POLD3: variants seen among roughly 807,000 people sequenced by gnomAD.
POLD3 encodes the protein DNA polymerase delta subunit 3.
A neutral mutation model predicts 58.2 loss-of-function variants in POLD3; 19 were observed. The observed-to-expected ratio is 0.33, with a 90% confidence interval of 0.23 to 0.48. POLD3 has a LOEUF of 0.48. Ranked by LOEUF, POLD3 falls within the 20% of genes least tolerant of loss-of-function variation. The pLI, the probability that POLD3 is intolerant of heterozygous loss-of-function variation, is 0.99. For synonymous variants in POLD3, 172 were observed against 193.5 expected, an observed-to-expected ratio of 0.89 and a Z score of 0.92; for missense variants, 504 against 545.5, an observed-to-expected ratio of 0.92 and a Z score of 0.76.
Position 74,642,493 on chromosome 11 carries a change from A to C in POLD3, c.*1727A>C. 1.0e-6 allele frequency: 1 copy of C among 985,184 alleles called. No individual in the cohort carries two copies. Among genetic ancestry groups the C allele is most frequent in the Non-Finnish European group, 1.2e-6 (1 of 829,730 alleles). 61.0% of individuals were successfully genotyped at this position (985,184 alleles called of 1,614,324 possible). On this transcript the variant is annotated 3_prime_UTR_variant, in exon 12 of 12. Transcript: ENST00000263681. ...CAACAATCCAATCTTTTTTCTAAAAATTATGCTGGGGTCTCGACTAAAACT... is the reference window on the plus strand; with the variant it reads ...CAACAATCCAATCTTTTTTCTAAAACTTATGCTGGGGTCTCGACTAAAACT...
At chr11:74,617,012 C>G (rs2032100164) in intron 5 of POLD3, among the ~76,000 whole-genome samples, 1 of 151,894 alleles carries the variant, frequency 6.6e-6, no homozygotes, top group Non-Finnish European at 1.5e-5. Context: ...GAGCTGGGTG[C>G]CTGAAATAAA....
At chr11:74,639,189 A>G (rs1005915883) in intron 11 of POLD3, among the ~76,000 whole-genome samples, 1 of 152,228 alleles carries the variant, frequency 6.6e-6, no homozygotes. Context: ...CCCACCCCAG[A>G]TCTGCTGAGT....
intron 5 of POLD3, among the ~76,000 whole-genome samples, chr11:74,613,427 C>T (rs2031979066): frequency 2.6e-5 from 1 of 39,046 alleles, no homozygotes; most frequent in Admixed American, 2.3e-4. Flanking sequence ...TAGCCAGGAT[C>T]AGGTTTTTTT....
In POLD3 at chr11:74,641,194, G is replaced by T. The variant is rs927142284; in HGVS notation, c.*428G>T. On this transcript the variant is annotated 3_prime_UTR_variant, in exon 12 of 12. Transcript: ENST00000263681. ...TGGGTGTTTCTTATCCTTACATTCT[G>T]CTGGATACGTTTACCCCTCTTGTCT... The T allele has an allele frequency of 4.1e-6, 4 of 985,444 alleles. No homozygotes were observed. The highest frequency in any genetic ancestry group is 4.8e-6 in the Non-Finnish European group (4 of 829,946). 61.0% of individuals were successfully genotyped at this position (985,444 alleles called of 1,614,324 possible).
intron 7 of POLD3, among the ~76,000 whole-genome samples, chr11:74,621,287 GATTGTGAACCCT>G (rs1236733141): frequency 6.6e-6 from 1 of 152,090 alleles, no homozygotes; most frequent in East Asian, 1.9e-4. Flanking sequence ...ATTCTTATAG[GATTGTGAACCCT>G]ATTGTGAACA....
chr11:74,639,091 G>A (rs1381324259), intron 11 of POLD3, among the ~76,000 whole-genome samples: 2 of 152,172 alleles, frequency 1.3e-5, no homozygotes, highest in African/African-American at 2.4e-5. Context: ...AAACAGGGAA[G>A]GAGAGAACAT....
chr11:74,649,318 T>C (rs976556041), intron 4 of POLD3, among the ~76,000 whole-genome samples: 5 of 152,138 alleles, frequency 3.3e-5, no homozygotes, highest in African/African-American at 1.2e-4. Flanking sequence ...TCAGCCCAAT[T>C]TGATGAATTA....
chr11:74,592,902 C>T (rs2031084926), intron 1 of POLD3, 184 bp downstream of exon 1: 1 of 1,431,752 alleles, frequency 7.0e-7, no homozygotes, highest in Middle Eastern at 2.5e-4. Flanking sequence ...GGAAGGTCCT[C>T]CAGCACACAC....
At chr11:74,636,933 A>T (rs910327970) in intron 11 of POLD3, among the ~76,000 whole-genome samples, 2 of 152,178 alleles carry the variant, frequency 1.3e-5, no homozygotes, top group African/African-American at 4.8e-5. Flanking sequence ...AGCTTCTTCT[A>T]CCCTTTCCAT....
chr11:74,645,944 T>TG (rs1321576517), downstream of POLD3, among the ~76,000 whole-genome samples: 47 of 151,356 alleles, frequency 3.1e-4, no homozygotes, highest in South Asian at 2.1e-3. Context: ...ATTGATGTTT[T>TG]TTTTTTTTTT....
chr11:74,610,884 C>T (rs1211699149), intron 3 of POLD3, among the ~76,000 whole-genome samples: 3 of 152,128 alleles, frequency 2.0e-5, no homozygotes, highest in African/African-American at 7.2e-5. Flanking sequence ...AAGTGATTGT[C>T]CTACCTCACC....
chr11:74,612,871 C>T lies in POLD3; in HGVS notation c.260-7C>T. On this transcript the variant is annotated splice_region_variant and splice_polypyrimidine_tract_variant and intron_variant, in intron 4 of 11. Transcript: ENST00000263681. Reference sequence around the variant, plus strand: ...ATTAACTGACTGCTTTTCCTGTTGACTTGTAGCAGTGAAGTCCAAGCTAGC... The same window carrying T: ...ATTAACTGACTGCTTTTCCTGTTGATTTGTAGCAGTGAAGTCCAAGCTAGC... 2 of 1,604,876 alleles carry T rather than the reference C, an allele frequency of 1.2e-6. No homozygotes were observed. The highest frequency in any genetic ancestry group is 1.7e-6 in the Non-Finnish European group (2 of 1,176,964).
At chr11:74,597,321 A>G (rs2031308864) in intron 2 of POLD3, among the ~76,000 whole-genome samples, 1 of 152,204 alleles carries the variant, frequency 6.6e-6, no homozygotes, top group African/African-American at 2.4e-5. Context: ...ACCCAGGGTT[A>G]TGAAGATTTA....
intron 4 of POLD3, among the ~76,000 whole-genome samples, chr11:74,656,671 CAAAATTCCTCTTGTTAATGAT>C: frequency 6.6e-6 from 1 of 151,568 alleles, no homozygotes; most frequent in South Asian, 2.1e-4. Context: ...GTATAGTTTC[CAAAATTCCTCTTGTTAATGAT>C]TTCTAGTTTT....
At position 74,642,178 on chromosome 11, in the gene POLD3, C is replaced by T; in HGVS notation, c.*1412C>T. The T allele has an allele frequency of 1.0e-6, 1 of 985,430 alleles. No individual in the cohort carries two copies. The highest frequency in any genetic ancestry group is 1.2e-6 in the Non-Finnish European group (1 of 829,932). The allele number at this position is 985,430 out of a possible 1,614,324, so 61.0% of individuals were successfully genotyped here. A position where few individuals can be genotyped will look rare whatever the true frequency, so the allele number is the denominator to read the frequency against. On this transcript the variant is annotated 3_prime_UTR_variant, in exon 12 of 12. Transcript: ENST00000263681. The stretch of plus-strand genomic sequence containing the variant: ...GGGATTGTGCTGACTTTGGGATTAA[C>T]ATGAGCTTCTTTAGCAACCAAGCAT...
At chr11:74,661,724 C>T (rs2033209211) in intron 4 of POLD3, among the ~76,000 whole-genome samples, 1 of 152,204 alleles carries the variant, frequency 6.6e-6, no homozygotes, top group Admixed American at 6.5e-5. Flanking sequence ...TAGAGTTCCA[C>T]AATCAGCAGG....
At chr11:74,620,163 G>C (rs1450239511) in intron 7 of POLD3, 74 bp downstream of exon 7, 1 of 1,159,604 alleles carries the variant, frequency 8.6e-7, no homozygotes, top group Non-Finnish European at 1.3e-6. Flanking sequence ...TGAAGTGAAA[G>C]CCACTTTGTC....
intron 7 of POLD3, 63 bp downstream of exon 7, chr11:74,620,152 C>A: frequency 7.9e-7 from 1 of 1,261,484 alleles, no homozygotes; most frequent in Non-Finnish European, 1.2e-6. Flanking sequence ...CATATTATAC[C>A]TGAAGTGAAA....
chr11:74,641,441 A>G lies in POLD3; in HGVS notation c.*675A>G. The G allele has an allele frequency of 7.1e-6, 7 of 985,480 alleles. No individual in the cohort carries two copies. The highest frequency in any genetic ancestry group is 1.7e-5 in the African/African-American group (1 of 57,352). 61.0% of individuals were successfully genotyped at this position (985,480 alleles called of 1,614,324 possible). On this transcript the variant is annotated 3_prime_UTR_variant, in exon 12 of 12. Coordinates refer to ENST00000263681, the MANE Select transcript of POLD3 (RefSeq NM_006591.3). ...TCACTTGCAATTAGTGGTTAGGGAA[A>G]AGCCTCAGGCAGAACACAAATAGAA...
Sources: gnomAD v4.1 joint callset for allele counts (sites outside exome capture counted in the v4.1 genomes callset) on GRCh38, gnomAD v4.1.1 for gene constraint, MANE v1.5 for transcripts, NCBI Gene and HGNC (gene_info 2026-07-23, HGNC 2026-07-21) for gene names.